KMO: variants seen among roughly 807,000 people sequenced by gnomAD.
The protein encoded by KMO is kynurenine 3-hydroxylase.
A neutral mutation model predicts 57.8 loss-of-function variants in KMO; 24 were observed. That is an observed-to-expected ratio of 0.42 (90% CI 0.30 to 0.58). The LOEUF (loss-of-function observed/expected upper bound fraction) is 0.58, where lower values mean the gene tolerates loss of function less well. KMO is among the 20% of genes least tolerant of loss of function. The pLI, the probability that KMO is intolerant of heterozygous loss-of-function variation, is 0.22. For synonymous variants in KMO, 210 were observed against 193.6 expected (o/e 1.08, Z -0.70); for missense variants, 483 against 588.2 (o/e 0.82, Z 1.85).
intron 4 of KMO, among the ~76,000 whole-genome samples, chr1:241,551,371 G>A (rs1661386099): frequency 6.6e-6 from 1 of 152,102 alleles, no homozygotes; most frequent in African/African-American, 2.4e-5. Flanking sequence ...TATCTTATTT[G>A]TCGTCAAGCA....
intron 6 of KMO, 149 bp downstream of exon 6, chr1:241,560,901 T>C: frequency 3.1e-6 from 2 of 637,014 alleles, no homozygotes; most frequent in Non-Finnish European, 2.8e-6. Flanking sequence ...GAATTTTAGA[T>C]TGCAAATAGG....
chr1:241,545,054 G>T (rs1661093632), intron 1 of KMO, among the ~76,000 whole-genome samples: 1 of 152,126 alleles, frequency 6.6e-6, no homozygotes, highest in Non-Finnish European at 1.5e-5. Flanking sequence ...AAATTTAGCA[G>T]ATTAAGTTAT....
At chr1:241,563,012 A>G (rs1278456778) in intron 7 of KMO, among the ~76,000 whole-genome samples, 1 of 152,210 alleles carries the variant, frequency 6.6e-6, no homozygotes, top group Non-Finnish European at 1.5e-5. Flanking sequence ...GATTTAAATA[A>G]TATCGTTTGT....
chr1:241,541,783 A>T lies in KMO; in HGVS notation c.55-7046A>T, dbSNP rs117943317. ...CATTGTAAGTAGAGTTAACAGTCTG[A>T]TTCTTCTCATTGCATTGATATACCC... On this transcript the variant is annotated intron_variant, in intron 1 of 14. Transcript: ENST00000366559. Among the ~76,000 whole-genome samples, 190 of 152,310 alleles carry T rather than the reference A, an allele frequency of 1.2e-3. 6 individuals carry two copies. In the East Asian group the frequency reaches 0.034, roughly 27 times the overall value.
intron 10 of KMO, among the ~76,000 whole-genome samples, chr1:241,570,342 A>C (rs1451948755): frequency 6.6e-6 from 1 of 151,954 alleles, no homozygotes; most frequent in East Asian, 1.9e-4. Flanking sequence ...CTTACTTAGA[A>C]AATTTTTGCC....
intron 8 of KMO, among the ~76,000 whole-genome samples, chr1:241,565,649 C>G (rs963416340): frequency 1.3e-5 from 2 of 151,112 alleles, no homozygotes; most frequent in Middle Eastern, 3.2e-3. Flanking sequence ...GCTTGAGCCC[C>G]GAAGATGGAG....
intron 1 of KMO, among the ~76,000 whole-genome samples, chr1:241,533,683 C>T (rs770380147): frequency 2.6e-5 from 4 of 151,786 alleles, no homozygotes; most frequent in Non-Finnish European, 4.4e-5. Context: ...AGTAGGGATG[C>T]GAGGGTGAGA....
intron 1 of KMO, among the ~76,000 whole-genome samples, chr1:241,538,721 G>T (rs1290126617): frequency 6.6e-6 from 1 of 152,154 alleles, no homozygotes; most frequent in Non-Finnish European, 1.5e-5. Context: ...AACAGAGGTG[G>T]AATGGATTTC....
chr1:241,550,469 A>C (rs1452626354), intron 3 of KMO, among the ~76,000 whole-genome samples: 3 of 152,222 alleles, frequency 2.0e-5, no homozygotes, highest in African/African-American at 7.2e-5. Flanking sequence ...CAGACATGAT[A>C]GATGTATTTT....
chr1:241,580,674 A>G (rs1662715031), intron 10 of KMO, among the ~76,000 whole-genome samples: 1 of 151,892 alleles, frequency 6.6e-6, no homozygotes. Flanking sequence ...TTCTCTTGTT[A>G]TTTATTTCTA....
chr1:241,536,420 T>C, intron 1 of KMO: 1 of 678,474 alleles, frequency 1.5e-6, no homozygotes. Context: ...CTGAATTCAG[T>C]CCTTAAGACT....
At chr1:241,560,507 CA>C (rs1335031584) in intron 5 of KMO, among the ~76,000 whole-genome samples, 157 bp from the exon 6 acceptor site, 1 of 152,174 alleles carries the variant, frequency 6.6e-6, no homozygotes, top group Non-Finnish European at 1.5e-5. Context: ...AGTTACCAAA[CA>C]GTTGTCAAAT....
intron 10 of KMO, among the ~76,000 whole-genome samples, chr1:241,569,381 A>C (rs1165057491): frequency 1.3e-5 from 2 of 152,066 alleles, no homozygotes; most frequent in Non-Finnish European, 2.9e-5. Context: ...TAATTTTTAT[A>C]GCTCCCTCAT....
intron 3 of KMO, 177 bp downstream of exon 3, chr1:241,549,951 C>A: frequency 1.9e-6 from 1 of 537,844 alleles, no homozygotes; most frequent in Non-Finnish European, 3.3e-6. Context: ...ATTGGACACT[C>A]GAGGCACCCG....
At chr1:241,585,212 G>A (rs1662922573) in intron 10 of KMO, among the ~76,000 whole-genome samples, 1 of 143,692 alleles carries the variant, frequency 7.0e-6, no homozygotes, top group Non-Finnish European at 1.5e-5. Flanking sequence ...CTGGGTGACA[G>A]ACCGAGACTG....
intron 10 of KMO, among the ~76,000 whole-genome samples, chr1:241,578,010 C>G (rs1305445181): frequency 6.6e-6 from 1 of 152,178 alleles, no homozygotes; most frequent in African/African-American, 2.4e-5. Flanking sequence ...CTCTTTCCAT[C>G]TGCAGGAATG....
chr1:241,548,813 T>C lies in KMO; in HGVS notation c.55-16T>C. The C allele has an allele frequency of 6.6e-7, 1 of 1,506,860 alleles. No homozygotes were observed. The highest frequency in any genetic ancestry group is 2.3e-5 in the East Asian group (1 of 44,156). 93.3% of individuals were successfully genotyped at this position (1,506,860 alleles called of 1,614,324 possible). On this transcript the variant is annotated splice_polypyrimidine_tract_variant and intron_variant, in intron 1 of 14. Coordinates refer to ENST00000366559, the MANE Select transcript of KMO (RefSeq NM_003679.5). ...TGTGGAATCAGATAAATATTTAATTTTTTTTTAATTTCTAGGTTGGCTCAT... is the reference window on the plus strand; with the variant it reads ...TGTGGAATCAGATAAATATTTAATTCTTTTTTAATTTCTAGGTTGGCTCAT...
intron 10 of KMO, among the ~76,000 whole-genome samples, chr1:241,574,605 C>A (rs1662436443): frequency 6.6e-6 from 1 of 151,678 alleles, no homozygotes; most frequent in South Asian, 2.1e-4. Flanking sequence ...TCCTGTATCC[C>A]TAGGATGAAA....
At chr1:241,564,950 G>C in intron 7 of KMO, 37 bp from the exon 8 acceptor site, 1 of 1,320,408 alleles carries the variant, frequency 7.6e-7, no homozygotes, top group South Asian at 1.2e-5. Flanking sequence ...TTTGCTATAT[G>C]AATGCACTAA....
Sources: gnomAD v4.1 joint callset for allele counts (sites outside exome capture counted in the v4.1 genomes callset) on GRCh38, gnomAD v4.1.1 for gene constraint, MANE v1.5 for transcripts, NCBI Gene and HGNC (gene_info 2026-07-23, HGNC 2026-07-21) for gene names.